CATSPERT: variants seen among roughly 807,000 people sequenced by gnomAD.
CATSPERT encodes the protein cation channel sperm-associated targeting subunit tau.
the CATSPERT span, among the ~76,000 whole-genome samples, chr2:201,541,562 TATATATATATATATATAA>T: frequency 7.3e-5 from 8 of 110,310 alleles, no homozygotes; most frequent in African/African-American, 2.7e-4. Flanking sequence ...TATATATATA[TATATATATATATATATAA>T]AATTTACAAA....
chr2:201,542,909 C>T, the CATSPERT span, among the ~76,000 whole-genome samples: 1 of 152,072 alleles, frequency 6.6e-6, no homozygotes, highest in East Asian at 1.9e-4. Flanking sequence ...GGTGTCTTAT[C>T]CAATAAATCA....
chr2:201,534,372 T>C, the CATSPERT span: 1 of 974,778 alleles, frequency 1.0e-6, no homozygotes. Flanking sequence ...GAGTGGTTTG[T>C]TATACAGCAA....
the CATSPERT span, among the ~76,000 whole-genome samples, chr2:201,606,195 C>T: frequency 6.6e-6 from 1 of 152,194 alleles, no homozygotes; most frequent in Non-Finnish European, 1.5e-5. Flanking sequence ...GTGGATAGGA[C>T]TCACCATGTG....
the CATSPERT span, among the ~76,000 whole-genome samples, chr2:201,609,793 G>C: frequency 1.3e-5 from 2 of 151,930 alleles, no homozygotes; most frequent in Non-Finnish European, 2.9e-5. Flanking sequence ...AGAAAAGCAA[G>C]AATAAACCAA....
chr2:201,542,436 G>A, the CATSPERT span, among the ~76,000 whole-genome samples: 1 of 152,122 alleles, frequency 6.6e-6, no homozygotes, highest in African/African-American at 2.4e-5. Flanking sequence ...ATTTTTTTGA[G>A]TAACCACCAT....
chr2:201,494,394 T>C, the CATSPERT span: 5 of 1,537,308 alleles, frequency 3.3e-6, no homozygotes, highest in African/African-American at 4.1e-5. Flanking sequence ...TGTTTGCCTG[T>C]ACATTTCCAG....
At chr2:201,592,311 T>C in the CATSPERT span, among the ~76,000 whole-genome samples, 1 of 145,490 alleles carries the variant, frequency 6.9e-6, no homozygotes, top group Non-Finnish European at 1.5e-5. Flanking sequence ...TGAACCAGCC[T>C]TGCATCCCAG....
At chr2:201,487,679 A>T in the CATSPERT span, 2 of 1,613,946 alleles carry the variant, frequency 1.2e-6, no homozygotes, top group Admixed American at 3.3e-5. Context: ...TTTATCATTT[A>T]TATGAACTAA....
the CATSPERT span, among the ~76,000 whole-genome samples, chr2:201,545,280 A>T: frequency 7.9e-5 from 12 of 151,228 alleles, no homozygotes; most frequent in East Asian, 2.3e-3. Context: ...CTCATGATCC[A>T]CCCGCCTCGG....
the CATSPERT span, among the ~76,000 whole-genome samples, chr2:201,505,593 T>G: frequency 4.0e-5 from 6 of 150,496 alleles, no homozygotes; most frequent in South Asian, 1.0e-3. Flanking sequence ...TGGCTAGTGC[T>G]CATCAAGATT....
At chr2:201,585,232 C>T in the CATSPERT span, among the ~76,000 whole-genome samples, 2 of 150,962 alleles carry the variant, frequency 1.3e-5, no homozygotes, top group Non-Finnish European at 1.5e-5. Context: ...CAGGGCCTGT[C>T]GAGGGGTGGG....
the CATSPERT span, chr2:201,492,034 T>G: frequency 2.0e-6 from 3 of 1,534,584 alleles, no homozygotes; most frequent in Admixed American, 5.9e-5. Flanking sequence ...CTTAGTGTAA[T>G]AACTTTTCTG....
At chr2:201,516,780 A>G in the CATSPERT span, among the ~76,000 whole-genome samples, 1 of 124,578 alleles carries the variant, frequency 8.0e-6, no homozygotes, top group Non-Finnish European at 1.7e-5. Context: ...ACACAGACTC[A>G]CCTGCGTATG....
At chr2:201,581,570 AT>A in the CATSPERT span, among the ~76,000 whole-genome samples, 49 of 77,492 alleles carry the variant, frequency 6.3e-4, 5 homozygotes, top group African/African-American at 2.4e-3. Context: ...ATATATATAT[AT>A]ATATATATAT....
At chr2:201,582,939 A>C in the CATSPERT span, among the ~76,000 whole-genome samples, 2 of 152,332 alleles carry the variant, frequency 1.3e-5, no homozygotes, top group South Asian at 4.2e-4. Context: ...AGAAAAAGGA[A>C]TGCAAGCCCT....
chr2:201,582,336 AT>A, the CATSPERT span: 14 of 955,252 alleles, frequency 1.5e-5, no homozygotes, highest in South Asian at 2.7e-4. Context: ...ATACTATTGC[AT>A]ACTATATTAT....
At chr2:201,595,440 G>A in the CATSPERT span, among the ~76,000 whole-genome samples, 569 of 152,006 alleles carry the variant, frequency 3.7e-3, 8 homozygotes, top group African/African-American at 0.013. Flanking sequence ...CGCCCGCCTC[G>A]GCCTCCCAAA....
At chr2:201,499,596 G>A in the CATSPERT span, among the ~76,000 whole-genome samples, 1 of 152,050 alleles carries the variant, frequency 6.6e-6, no homozygotes, top group East Asian at 1.9e-4. Context: ...CACTTTGGGA[G>A]GCTGAGGCAG....
the CATSPERT span, among the ~76,000 whole-genome samples, chr2:201,529,257 C>G: frequency 1.3e-5 from 2 of 152,032 alleles, no homozygotes; most frequent in Non-Finnish European, 2.9e-5. Context: ...ATCCTAAAAC[C>G]CATATGGAAC....
Sources: gnomAD v4.1 joint callset for allele counts (sites outside exome capture counted in the v4.1 genomes callset) on GRCh38, gnomAD v4.1.1 for gene constraint, MANE v1.5 for transcripts, NCBI Gene and HGNC (gene_info 2026-07-23, HGNC 2026-07-21) for gene names.